The following ALDOB variants were observed in gnomAD, a reference collection of about 807,000 sequenced individuals.
ALDOB encodes aldolase, fructose-bisphosphate B.
Under a neutral mutation model 41.0 loss-of-function variants are expected in ALDOB, and 39 were observed. The ratio of observed to expected loss-of-function variants is 0.95; its 90% CI spans 0.74 to 1.24. ALDOB has a LOEUF of 1.24. Ranked by LOEUF, ALDOB falls within the 50% of genes most tolerant of loss-of-function variation. The pLI, the probability that ALDOB is intolerant of heterozygous loss-of-function variation, is 0.00. For missense variants in ALDOB, 530 were observed against 457.3 expected (o/e 1.16, Z -1.45); for synonymous variants, 175 against 168.8 (o/e 1.04, Z -0.28).
At chr9:101,429,606 T>C (rs1831184245) in intron 3 of ALDOB, 149 bp downstream of exon 3, 5 of 838,174 alleles carry the variant, frequency 6.0e-6, no homozygotes, top group Admixed American at 1.7e-5. Context: ...TAGAAGAGGA[T>C]CTTGTTCTCT....
chr9:101,428,547 G>A lies in ALDOB; in HGVS notation c.325-24C>T, dbSNP rs763480329. The stretch of plus-strand genomic sequence containing the variant: ...AACTGTGGATACAAATAATTAACAG[G>A]TGTCAGATGTCAGGAAAACACAAGC... On this transcript the variant is annotated intron_variant, in intron 3 of 8. Transcript: ENST00000647789. 3.1e-6 allele frequency: 5 copies of A among 1,595,626 alleles called. No homozygotes were observed. In the South Asian group the frequency reaches 5.5e-5, roughly 18 times the overall value.
At position 101,430,875 on chromosome 9, in the gene ALDOB, A is replaced by G; in HGVS notation, c.13T>C (p.Phe5Leu). MAHR[F>L]PALTQEQKKE... Reference sequence around the variant, plus strand: ...TTCTGCTCCTGGGTGAGGGCTGGAAATCGGTGGGCCATGGTGACAGGTCTG... The same window carrying G: ...TTCTGCTCCTGGGTGAGGGCTGGAAGTCGGTGGGCCATGGTGACAGGTCTG... Residue 5 changes from phenylalanine (F) to leucine (L), a missense_variant, in exon 2 of 9, where the codon TTT becomes CTT. Phe to Leu is a conservative substitution (Grantham distance 22, BLOSUM62 0). Coordinates refer to ENST00000647789, the MANE Select transcript of ALDOB (RefSeq NM_000035.4). The G allele has an allele frequency of 6.2e-7, 1 of 1,613,968 alleles. No individual in the cohort carries two copies. The highest frequency in any genetic ancestry group is 2.2e-5 in the East Asian group (1 of 44,874).
Position 101,429,859 on chromosome 9 carries a change from T to C in ALDOB, c.220A>G (p.Ile74Val). ...TCGTGGAAAAGGATCACACCCCCGA[T>C]GCTCTGGTTGATGGAACTGTCCACA... The part of the protein sequence containing the change: ...FSVDSSINQS[I>V]GGVILFHETL... The change falls in exon 3 of 9, where the codon ATC (isoleucine) becomes GTC (valine). Residue 74 changes from isoleucine to valine, a missense_variant. By Grantham distance (29) the Ile-to-Val change is conservative (BLOSUM62 3). Transcript: ENST00000647789. 1.2e-6 allele frequency: 2 copies of C among 1,614,148 alleles called. No individual in the cohort carries two copies. The highest frequency in any genetic ancestry group is 1.3e-5 in the African/African-American group (1 of 75,026).
intron 3 of ALDOB, 48 bp from the exon 4 acceptor site, chr9:101,428,571 G>A (rs911991318): frequency 3.4e-6 from 5 of 1,467,768 alleles, no homozygotes; most frequent in Admixed American, 1.7e-5. Context: ...GAAAACACAA[G>A]CAGAACTCTT....
At position 101,428,504 on chromosome 9, in the gene ALDOB, G is replaced by A. The variant is rs763058812; in HGVS notation, c.344C>T (p.Pro115Leu). ...VGIKLDQGGA[P>L]LAGTNKETTI... ...GGTTTCTTTGTTTGTTCCTGCAAGA[G>A]GAGCACCTCCTTGGTCTAACTGTGG... The change falls in exon 4 of 9, where the codon CCT becomes CTT. Residue 115 changes from proline to leucine, a missense_variant. Pro to Leu is a moderately conservative substitution (Grantham distance 98, BLOSUM62 -3). Transcript: ENST00000647789. The A allele has an allele frequency of 3.7e-6, 6 of 1,613,902 alleles. No homozygotes were observed. The Admixed American group carries it at 1.0e-4, about 27-fold the overall frequency.
In ALDOB at chr9:101,426,554, C is replaced by T; in HGVS notation, c.624+1G>A. The T allele has an allele frequency of 6.2e-7, 1 of 1,604,092 alleles. No individual in the cohort carries two copies. Among genetic ancestry groups the T allele is most frequent in the Non-Finnish European group, 8.5e-7 (1 of 1,170,862 alleles). On this transcript the variant is annotated splice_donor_variant, in intron 6 of 8. Coordinates refer to ENST00000647789, the MANE Select transcript of ALDOB (RefSeq NM_000035.4). LOFTEE classifies it high-confidence loss of function. ...TTGGGGCCTTCATATTTAAAACTTA[C>T]CTTCTCAGTAACATACTGGCAGTGT...
At chr9:101,427,214 A>G (rs1021477809) in intron 5 of ALDOB, among the ~76,000 whole-genome samples, 2 of 152,152 alleles carry the variant, frequency 1.3e-5, no homozygotes, top group Non-Finnish European at 2.9e-5. Flanking sequence ...AAGCCCGATC[A>G]CTTATAAGAC....
In ALDOB at chr9:101,429,919, C is replaced by T. The variant is rs752642604; in HGVS notation, c.160G>A (p.Glu54Lys). ...LQRIKVENTE[E>K]NRRQFREILF... ...ATTTCTCGGAACTGCCGGCGGTTCT[C>T]TTCAGTGTTTTCCACCTTGATCCTC... The change falls in exon 3 of 9, where the codon GAG (glutamate) becomes AAG (lysine). Residue 54 changes from glutamate (E) to lysine (K), a missense_variant. By Grantham distance (56) the Glu-to-Lys change is moderately conservative. Coordinates refer to ENST00000647789, the MANE Select transcript of ALDOB (RefSeq NM_000035.4). 2.5e-6 allele frequency: 4 copies of T among 1,613,966 alleles called. No homozygotes were observed. The highest frequency in any genetic ancestry group is 3.4e-6 in the Non-Finnish European group (4 of 1,180,042).
Position 101,425,028 on chromosome 9 carries a change from A to T in ALDOB, c.814T>A (p.Ser272Thr), listed in dbSNP as rs769905788. 1.2e-6 allele frequency: 2 copies of T among 1,614,112 alleles called. No homozygotes were observed. The highest frequency in any genetic ancestry group is 1.7e-5 in the Admixed American group (1 of 60,012). The stretch of plus-strand genomic sequence containing the variant: ...GCATCCTCTTCACTCATGCCACCAG[A>T]CAAAAAGCAGATGCCTGGTAGGAGA... ...PAAVPGICFL[S>T]GGMSEEDATL... Residue 272 changes from serine to threonine, a missense_variant, in exon 8 of 9, where the codon TCT (serine) becomes ACT (threonine). By Grantham distance (58) the Ser-to-Thr change is moderately conservative. Coordinates refer to ENST00000647789, the MANE Select transcript of ALDOB (RefSeq NM_000035.4).
In ALDOB at chr9:101,428,213, T is replaced by C. The variant is rs142273436; in HGVS notation, c.379+256A>G. Among the ~76,000 whole-genome samples, 459 of 152,328 alleles carry C rather than the reference T, an allele frequency of 3.0e-3. 2 individuals are homozygous for C. Among genetic ancestry groups the C allele is most frequent in the Non-Finnish European group, 4.7e-3 (322 of 68,034 alleles). ...CCAAGGTACTGTGGTAAGCACCTTA[T>C]GTACATTGTCTAAGTTAATCCCCAC... On this transcript the variant is annotated intron_variant, in intron 4 of 8. Transcript: ENST00000647789.
chr9:101,425,454 A>T lies in ALDOB; in HGVS notation c.798T>A (p.Pro266=). 6 of 1,614,200 alleles carry T rather than the reference A, an allele frequency of 3.7e-6. No individual in the cohort carries two copies. Among genetic ancestry groups the T allele is most frequent in the Non-Finnish European group, 5.1e-6 (6 of 1,180,026 alleles). Residue 266 remains proline, a splice_region_variant and synonymous_variant, in exon 7 of 9, where the codon CCT becomes CCA. Transcript: ENST00000647789. ...ALHRTVPAAV[P]GICFLSGGMS... is the part of the protein sequence containing the mutation. ...GTTAGAGAAGAAAGAAGGCCTTACC[A>T]GGAACAGCTGCAGGAACAGTACGGT...
chr9:101,423,263 C>T (rs1317098084), intron 8 of ALDOB, among the ~76,000 whole-genome samples: 2 of 152,212 alleles, frequency 1.3e-5, no homozygotes, highest in African/African-American at 4.8e-5. Context: ...CCTCTATGGT[C>T]AGCAAGCTAA....
chr9:101,427,146 T>C (rs1188984375), intron 5 of ALDOB, among the ~76,000 whole-genome samples: 1 of 152,194 alleles, frequency 6.6e-6, no homozygotes, highest in Non-Finnish European at 1.5e-5. Flanking sequence ...GCTAGGAATC[T>C]AAGAGGATCA....
intron 8 of ALDOB, among the ~76,000 whole-genome samples, chr9:101,422,588 T>C (rs1003353310): frequency 6.6e-6 from 1 of 152,202 alleles, no homozygotes; most frequent in Non-Finnish European, 1.5e-5. Context: ...AGACCCATAA[T>C]CTGCATTTTT....
chr9:101,426,503 C>G, intron 6 of ALDOB, 52 bp downstream of exon 6: 4 of 1,198,034 alleles, frequency 3.3e-6, no homozygotes, highest in Non-Finnish European at 5.0e-6. Flanking sequence ...CAGCTGTTAC[C>G]TAAAACTAAG....
chr9:101,421,396 A>C lies in ALDOB; in HGVS notation c.*413T>G, dbSNP rs1831044001. 4 of 303,886 alleles carry C rather than the reference A, an allele frequency of 1.3e-5. No homozygotes were observed. The highest frequency in any genetic ancestry group is 1.2e-4 in the South Asian group (4 of 32,852). 18.8% of individuals were successfully genotyped at this position (303,886 alleles called of 1,614,324 possible). ...GCAGCTGAAGGTTTATAGAATATTT[A>C]TTTCTTTTTTGGTTGCAGCTATCTC... On this transcript the variant is annotated 3_prime_UTR_variant, in exon 9 of 9. Coordinates refer to ENST00000647789, the MANE Select transcript of ALDOB (RefSeq NM_000035.4).
chr9:101,425,316 G>T, intron 7 of ALDOB, 137 bp downstream of exon 7: 2 of 1,071,138 alleles, frequency 1.9e-6, no homozygotes, highest in Non-Finnish European at 2.8e-6. Context: ...TGAAGTGGGA[G>T]AAGAAGTGCT....
chr9:101,430,722 A>G (rs1831204509), intron 2 of ALDOB, 54 bp downstream of exon 2: 1 of 1,350,578 alleles, frequency 7.4e-7, no homozygotes, highest in Non-Finnish European at 1.1e-6. Flanking sequence ...TGTTTTTGCT[A>G]AGTGTAGAAA....
chr9:101,428,579 C>A, intron 3 of ALDOB, 56 bp from the exon 4 acceptor site: 1 of 1,367,844 alleles, frequency 7.3e-7, no homozygotes, highest in Non-Finnish European at 1.0e-6. Context: ...AAGCAGAACT[C>A]TTGAACTAAC....
Sources: gnomAD v4.1 joint callset for allele counts (sites outside exome capture counted in the v4.1 genomes callset) on GRCh38, gnomAD v4.1.1 for gene constraint, MANE v1.5 for transcripts, NCBI Gene and HGNC (gene_info 2026-07-23, HGNC 2026-07-21) for gene names.